The following CHRDL2 variants were observed in gnomAD, a reference collection of about 807,000 sequenced individuals.
CHRDL2 encodes the protein chordin like 2.
A neutral mutation model predicts 54.3 loss-of-function variants in CHRDL2; 41 were observed. That is an observed-to-expected ratio of 0.76 (90% CI 0.59 to 0.98). The LOEUF is 0.98. Among genes scored for constraint, CHRDL2 ranks in the 50% least tolerant of loss-of-function variants. CHRDL2 has a pLI of 0.00. For missense variants in CHRDL2, 518 were observed against 562.4 expected (o/e 0.92, Z 0.80); for synonymous variants, 220 against 224.3 (o/e 0.98, Z 0.17).
At chr11:74,726,492 G>C (rs745549172) in intron 1 of CHRDL2, among the ~76,000 whole-genome samples, 1 of 152,232 alleles carries the variant, frequency 6.6e-6, no homozygotes, top group Admixed American at 6.5e-5. Flanking sequence ...ACAAGAATGA[G>C]GATGGGGTCC....
At position 74,713,490 on chromosome 11, in the gene CHRDL2, C is replaced by T. The variant is rs750043607; in HGVS notation, c.196-11G>A. On this transcript the variant is annotated splice_polypyrimidine_tract_variant and intron_variant, in intron 2 of 10. Coordinates refer to ENST00000376332, the MANE Select transcript of CHRDL2 (RefSeq NM_001278473.3). The stretch of plus-strand genomic sequence containing the variant: ...ACTCACATGGGCGCCCTGAAGGGGA[C>T]ACAAGGGTCAGCCCTGGTTCAAAGA... 2 of 1,611,144 alleles carry T rather than the reference C, an allele frequency of 1.2e-6. No homozygotes were observed. The highest frequency in any genetic ancestry group is 1.3e-5 in the African/African-American group (1 of 74,988).
intron 6 of CHRDL2, among the ~76,000 whole-genome samples, chr11:74,705,932 C>A (rs1287195560): frequency 1.3e-5 from 2 of 152,172 alleles, no homozygotes; most frequent in African/African-American, 4.8e-5. Flanking sequence ...GTTCATGTGG[C>A]AGACATAGCA....
chr11:74,708,106 A>C (rs1327029157), intron 5 of CHRDL2, among the ~76,000 whole-genome samples, 196 bp downstream of exon 5: 1 of 152,104 alleles, frequency 6.6e-6, no homozygotes, highest in Non-Finnish European at 1.5e-5. Context: ...CAATGACTGC[A>C]ATAAAAATAA....
chr11:74,718,381 A>T (rs2135270086), intron 2 of CHRDL2, among the ~76,000 whole-genome samples: 1 of 152,134 alleles, frequency 6.6e-6, no homozygotes, highest in African/African-American at 2.4e-5. Context: ...AAAAGAAGGG[A>T]ATGGGAGATA....
At chr11:74,714,843 G>A (rs899000168) in intron 2 of CHRDL2, among the ~76,000 whole-genome samples, 2 of 152,160 alleles carry the variant, frequency 1.3e-5, no homozygotes, top group Non-Finnish European at 2.9e-5. Context: ...TTAGCACCAC[G>A]AAGCAGGAAA....
rs1458383896 is a variant in CHRDL2, at chr11:74,710,901, T to C, written c.380A>G (p.His127Arg). 5.0e-6 allele frequency: 8 copies of C among 1,613,962 alleles called. No homozygotes were observed. Among genetic ancestry groups the C allele is most frequent in the Middle Eastern group, 1.6e-4 (1 of 6,084 alleles). Reference sequence around the variant, plus strand: ...GGGCAGGCGGGAGGGGAACAGCTCATGGGCACTGAAGATCTCTCCGTGTTG... The same window carrying C: ...GGGCAGGCGGGAGGGGAACAGCTCACGGGCACTGAAGATCTCTCCGTGTTG... The part of the protein sequence containing the change: ...MYQHGEIFSA[H>R]ELFPSRLPNQ... The change falls in exon 4 of 11, where the codon CAT becomes CGT. Residue 127 changes from histidine (H) to arginine (R), a missense_variant. His to Arg is a conservative substitution (Grantham distance 29, BLOSUM62 0). Coordinates refer to ENST00000376332, the MANE Select transcript of CHRDL2 (RefSeq NM_001278473.3).
chr11:74,723,295 C>A (rs1337904573), intron 1 of CHRDL2, among the ~76,000 whole-genome samples: 1 of 152,178 alleles, frequency 6.6e-6, no homozygotes, highest in Non-Finnish European at 1.5e-5. Flanking sequence ...CTTGGCATAA[C>A]AGGCAGTAAA....
rs189131085 is a variant in CHRDL2 at position 74,697,297 on chromosome 11, C to A, written c.1121G>T (p.Gly374Val). 1.9e-6 allele frequency: 3 copies of A among 1,613,104 alleles called. No individual in the cohort carries two copies. The East Asian group carries it at 6.7e-5, about 36-fold the overall frequency. The change falls in exon 10 of 11, where the codon GGA (glycine) becomes GTA (valine). Residue 374 changes from glycine to valine, a missense_variant and splice_region_variant. Coordinates refer to ENST00000376332, the MANE Select transcript of CHRDL2 (RefSeq NM_001278473.3). ...CTTGATCTGAGTCAAGTGGAAGATT[C>A]CTGAGGGCAGAGACAAGGATGTGAG... ...VEIYLWKLVK[G>V]IFHLTQIKKV...
chr11:74,709,833 C>A (rs573643263), intron 4 of CHRDL2, among the ~76,000 whole-genome samples: 2 of 152,272 alleles, frequency 1.3e-5, no homozygotes, highest in South Asian at 4.2e-4. Context: ...GGAACTGAGG[C>A]CCAAGTGTGG....
intron 1 of CHRDL2, among the ~76,000 whole-genome samples, chr11:74,729,870 G>A (rs991640615): frequency 2.0e-5 from 3 of 152,176 alleles, no homozygotes; most frequent in African/African-American, 4.8e-5. Flanking sequence ...CCAGCCTATT[G>A]TGGGCGCAGT....
chr11:74,711,399 G>A (rs76470505), intron 3 of CHRDL2, among the ~76,000 whole-genome samples: 479 of 152,348 alleles, frequency 3.1e-3, no homozygotes, highest in Middle Eastern at 0.024. Context: ...GAGCAAAAGA[G>A]TCCCTGCCCT....
chr11:74,714,099 C>T (rs1430067192), intron 2 of CHRDL2, among the ~76,000 whole-genome samples: 2 of 151,892 alleles, frequency 1.3e-5, no homozygotes, highest in Non-Finnish European at 1.5e-5. Context: ...AAGCAGAAAC[C>T]GAGGCAGAGT....
chr11:74,697,503 GTTGTC>G, intron 9 of CHRDL2: 1 of 586,010 alleles, frequency 1.7e-6, no homozygotes, highest in South Asian at 1.9e-5. Context: ...TCAGGCCCCT[GTTGTC>G]TTGTCTGGGT....
intron 6 of CHRDL2, among the ~76,000 whole-genome samples, chr11:74,705,984 A>G (rs918801347): frequency 2.6e-5 from 4 of 152,052 alleles, no homozygotes; most frequent in South Asian, 2.1e-4. Context: ...GTGATTCTCT[A>G]TCTCCTTCCT....
At chr11:74,697,519 C>T (rs571527215) in intron 9 of CHRDL2, 4 of 577,670 alleles carry the variant, frequency 6.9e-6, no homozygotes, top group South Asian at 5.6e-5. Flanking sequence ...TTGTCTGGGT[C>T]ACTACACTAG....
At chr11:74,705,617 C>T (rs367766544) in intron 6 of CHRDL2, among the ~76,000 whole-genome samples, 1 of 152,232 alleles carries the variant, frequency 6.6e-6, no homozygotes, top group Non-Finnish European at 1.5e-5. Flanking sequence ...TCACCCAGCC[C>T]GTCAGTAAGT....
At chr11:74,703,068 A>G in intron 8 of CHRDL2, 101 bp from the exon 9 acceptor site, 1 of 1,225,252 alleles carries the variant, frequency 8.2e-7, no homozygotes, top group East Asian at 2.4e-5. Flanking sequence ...AATCCGGAAC[A>G]TTACTGATTC....
At position 74,702,834 on chromosome 11, in the gene CHRDL2, G is replaced by A. The variant is rs202059915; in HGVS notation, c.1080C>T (p.Ala360=). The A allele has an allele frequency of 9.7e-5, 157 of 1,614,086 alleles. No individual in the cohort carries two copies. The highest frequency in any genetic ancestry group is 1.2e-4 in the Non-Finnish European group (144 of 1,180,008). The part of the protein sequence containing the change: ...NLRRFALEHE[A]SDLVEIYLWK... ...AGAGGTAGATCTCCACCAAGTCCGAGGCCTCGTGTTCCAGGGCAAAGCGAC... is the reference window on the plus strand; with the variant it reads ...AGAGGTAGATCTCCACCAAGTCCGAAGCCTCGTGTTCCAGGGCAAAGCGAC... The change falls in exon 9 of 11, where the codon GCC becomes GCT. Residue 360 remains alanine (A), a synonymous_variant. Coordinates refer to ENST00000376332, the MANE Select transcript of CHRDL2 (RefSeq NM_001278473.3).
At chr11:74,720,954 A>C (rs561420804) in intron 1 of CHRDL2, among the ~76,000 whole-genome samples, 64 of 152,314 alleles carry the variant, frequency 4.2e-4, no homozygotes, top group African/African-American at 1.5e-3. Flanking sequence ...GACTGCTGTC[A>C]CGATGCCTTC....
Sources: gnomAD v4.1 joint callset for allele counts (sites outside exome capture counted in the v4.1 genomes callset) on GRCh38, gnomAD v4.1.1 for gene constraint, MANE v1.5 for transcripts, NCBI Gene and HGNC (gene_info 2026-07-23, HGNC 2026-07-21) for gene names.